The following ZP4 variants were observed in gnomAD, a reference collection of about 807,000 sequenced individuals.
The protein encoded by ZP4 is zona pellucida glycoprotein 4.
Under a neutral mutation model 62.3 loss-of-function variants are expected in ZP4, and 62 were observed. The ratio of observed to expected loss-of-function variants is 0.99; its 90% CI spans 0.81 to 1.23. ZP4 has a LOEUF of 1.23. ZP4 is among the 50% of genes most tolerant of loss of function. The pLI, the probability that ZP4 is intolerant of heterozygous loss-of-function variation, is 0.00. For missense variants in ZP4, 774 were observed against 656.0 expected (o/e 1.18, Z -1.97); for synonymous variants, 289 against 247.3 (o/e 1.17, Z -1.58).
chr1:237,885,836 T>C lies in ZP4; in HGVS notation c.890A>G (p.Asn297Ser), dbSNP rs1426453038. ...TGGTGGGAGAGTGAAAACCTGGACA[T>C]TGATTGGGAGAGAGTTGCTACTTAC... Reference protein sequence around the residue: ...YSVSSNSLPINVQVFTLPPPF... With the variant: ...YSVSSNSLPISVQVFTLPPPF... Residue 297 changes from asparagine to serine, a missense_variant, in exon 7 of 12, where the codon AAT (asparagine) becomes AGT (serine). Physicochemically the swap from Asn to Ser is conservative, Grantham distance 46 (BLOSUM62 1). Transcript: ENST00000366570. 1 of 1,614,070 alleles carries C rather than the reference T, an allele frequency of 6.2e-7. No homozygotes were observed. Among genetic ancestry groups the C allele is most frequent in the Non-Finnish European group, 8.5e-7 (1 of 1,180,000 alleles).
chr1:237,882,792 T>C lies in ZP4; in HGVS notation c.1445A>G (p.Lys482Arg). 1 of 1,614,186 alleles carries C rather than the reference T, an allele frequency of 6.2e-7. No individual in the cohort carries two copies. The highest frequency in any genetic ancestry group is 8.5e-7 in the Non-Finnish European group (1 of 1,180,026). Residue 482 changes from lysine (K) to arginine (R), a missense_variant, in exon 11 of 12, where the codon AAA becomes AGA. Coordinates refer to ENST00000366570, the MANE Select transcript of ZP4 (RefSeq NM_021186.5). ...SQNTTASVSS[K>R]GPMILLQATK... ...GGCTTGGAGTAGAATCATGGGGCCTTTGCTAGAAACACTAGCAGTAGTGTT... is the reference window on the plus strand; with the variant it reads ...GGCTTGGAGTAGAATCATGGGGCCTCTGCTAGAAACACTAGCAGTAGTGTT...
intron 3 of ZP4, 49 bp from the exon 4 acceptor site, chr1:237,888,559 C>T (rs1665164191): frequency 1.3e-6 from 2 of 1,531,420 alleles, no homozygotes; most frequent in Non-Finnish European, 1.8e-6. Flanking sequence ...AAAAGTTAGT[C>T]TTGAATACCA....
At position 237,886,842 on chromosome 1, in the gene ZP4, T is replaced by G; in HGVS notation, c.768A>C (p.Glu256Asp). 1 of 1,614,078 alleles carries G rather than the reference T, an allele frequency of 6.2e-7. No homozygotes were observed. ...CATCCCTAGTTGCCACCAGTTCATT[T>G]TCATATACTGCTCGGTCTCCAGTGA... ...RQITGDRAVY[E>D]NELVATRDVK... The change falls in exon 6 of 12, where the codon GAA (glutamate) becomes GAC (aspartate). Residue 256 changes from glutamate to aspartate, a missense_variant. Glu to Asp is a conservative substitution (Grantham distance 45). Transcript: ENST00000366570.
In ZP4 at chr1:237,885,322, C is replaced by T; in HGVS notation, c.1161-7G>A. ...GTCTCCAATGTAGGGGCAGCTAGAC[C>T]AAGAGACCCAGCAGTCAGGATGGGC... On this transcript the variant is annotated splice_polypyrimidine_tract_variant and splice_region_variant and intron_variant, in intron 8 of 11. Transcript: ENST00000366570. The T allele has an allele frequency of 1.5e-5, 24 of 1,613,486 alleles. No homozygotes were observed. Among genetic ancestry groups the T allele is most frequent in the Non-Finnish European group, 1.9e-5 (23 of 1,179,696 alleles).
At chr1:237,883,967 A>ACACACAC (rs1665009572) in intron 10 of ZP4, among the ~76,000 whole-genome samples, 3 of 86,524 alleles carry the variant, frequency 3.5e-5, no homozygotes, top group African/African-American at 5.7e-5. Flanking sequence ...CACACACACA[A>ACACACAC]ACACACACAC....
At chr1:237,883,981 CAA>C (rs767026148) in intron 10 of ZP4, among the ~76,000 whole-genome samples, 27,524 of 76,488 alleles carry the variant, frequency 0.36, 4,433 homozygotes, top group South Asian at 0.45. Context: ...CACACACACA[CAA>C]ACACACACAC....
Position 237,886,786 on chromosome 1 carries a change from C to T in ZP4, c.824G>A (p.Arg275His), listed in dbSNP as rs749678149. The change falls in exon 6 of 12, where the codon CGT (arginine) becomes CAT (histidine). Residue 275 changes from arginine (R) to histidine (H), a missense_variant. Transcript: ENST00000366570. ...VKNGSRGSVTRDSIFRLHVSC... is the reference protein window; with the variant it reads ...VKNGSRGSVTHDSIFRLHVSC... ...AAGCCCTTACCTGAAGATGCTGTCA[C>T]GAGTGACAGAGCCACGGCTCCCATT... 50 of 1,613,784 alleles carry T rather than the reference C, an allele frequency of 3.1e-5. No individual in the cohort carries two copies. The highest frequency in any genetic ancestry group is 2.8e-4 in the Admixed American group (17 of 59,988).
chr1:237,888,319 C>A, intron 4 of ZP4, 39 bp downstream of exon 4: 1 of 1,497,732 alleles, frequency 6.7e-7, no homozygotes, highest in Non-Finnish European at 9.0e-7. Context: ...AATTGCCACA[C>A]TTCCTCAGCT....
rs959460547 is a variant in ZP4, at chr1:237,886,877, A to G, written c.742-9T>C. On this transcript the variant is annotated splice_polypyrimidine_tract_variant and intron_variant, in intron 5 of 11. Coordinates refer to ENST00000366570, the MANE Select transcript of ZP4 (RefSeq NM_021186.5). ...GCTCGGTCTCCAGTGATCTACAGGAATAGATGGAGAAGTCTTGATCATTTC... is the reference window on the plus strand; with the variant it reads ...GCTCGGTCTCCAGTGATCTACAGGAGTAGATGGAGAAGTCTTGATCATTTC... The G allele has an allele frequency of 1.9e-6, 3 of 1,610,086 alleles. No homozygotes were observed. The highest frequency in any genetic ancestry group is 2.5e-6 in the Non-Finnish European group (3 of 1,176,664).
chr1:237,887,340 C>T (rs758619628), intron 5 of ZP4, 34 bp downstream of exon 5: 5 of 1,605,040 alleles, frequency 3.1e-6, no homozygotes, highest in Non-Finnish European at 4.3e-6. Flanking sequence ...TCCCACCCAA[C>T]TTCCAGAGCC....
In ZP4 at chr1:237,886,881, A is replaced by G. The variant is rs574325134; in HGVS notation, c.742-13T>C. 1 of 1,607,102 alleles carries G rather than the reference A, an allele frequency of 6.2e-7. No homozygotes were observed. Among genetic ancestry groups the G allele is most frequent in the South Asian group, 1.1e-5 (1 of 90,876 alleles). ...GGTCTCCAGTGATCTACAGGAATAGATGGAGAAGTCTTGATCATTTCTGTT... is the reference window on the plus strand; with the variant it reads ...GGTCTCCAGTGATCTACAGGAATAGGTGGAGAAGTCTTGATCATTTCTGTT... On this transcript the variant is annotated splice_polypyrimidine_tract_variant and intron_variant, in intron 5 of 11. Coordinates refer to ENST00000366570, the MANE Select transcript of ZP4 (RefSeq NM_021186.5).
intron 3 of ZP4, 98 bp downstream of exon 3, chr1:237,889,763 TAGTGTC>T: frequency 1.0e-6 from 1 of 969,730 alleles, no homozygotes; most frequent in Non-Finnish European, 1.6e-6. Flanking sequence ...CTTCCTTCAT[TAGTGTC>T]AGGTGTCACT....
At chr1:237,883,704 C>A (rs1430198261) in intron 10 of ZP4, among the ~76,000 whole-genome samples, 1,332 of 7,364 alleles carry the variant, frequency 0.18, 403 homozygotes, top group African/African-American at 0.47. Context: ...CGGGGGAGGG[C>A]GGGGGAGGGC....
intron 2 of ZP4, 41 bp downstream of exon 2, chr1:237,890,014 G>A: frequency 6.2e-7 from 1 of 1,614,146 alleles, no homozygotes. Flanking sequence ...GGTAGCATGA[G>A]GCGCTTCACA....
At chr1:237,890,256 C>A in intron 1 of ZP4, 80 bp from the exon 2 acceptor site, 1 of 1,598,792 alleles carries the variant, frequency 6.3e-7, no homozygotes. Context: ...TGCCATTAGA[C>A]CCCAAGGAGC....
rs377492296 is a variant in ZP4 at position 237,885,848 on chromosome 1, G to C, written c.878C>G (p.Ser293Cys). 1.1e-5 allele frequency: 18 copies of C among 1,614,168 alleles called. No homozygotes were observed. The highest frequency in any genetic ancestry group is 1.5e-5 in the Non-Finnish European group (18 of 1,180,028). Reference sequence around the variant, plus strand: ...GAAAACCTGGACATTGATTGGGAGAGAGTTGCTACTTACTGAGTAGCTGCA... The same window carrying C: ...GAAAACCTGGACATTGATTGGGAGACAGTTGCTACTTACTGAGTAGCTGCA... ...VSCSYSVSSN[S>C]LPINVQVFTL... Residue 293 changes from serine (S) to cysteine (C), a missense_variant, in exon 7 of 12, where the codon TCT (serine) becomes TGT (cysteine). Ser to Cys is a moderately radical substitution (Grantham distance 112). Coordinates refer to ENST00000366570, the MANE Select transcript of ZP4 (RefSeq NM_021186.5).
rs1359726855 is a variant in ZP4 at position 237,888,368 on chromosome 1, A to G, written c.543T>C (p.Tyr181=). 1.3e-6 allele frequency: 2 copies of G among 1,582,738 alleles called. No individual in the cohort carries two copies. The highest frequency in any genetic ancestry group is 1.7e-6 in the Non-Finnish European group (2 of 1,157,400). Residue 181 remains tyrosine (Y), a synonymous_variant, in exon 4 of 12, where the codon TAT becomes TAC. Transcript: ENST00000366570. The part of the protein sequence containing the change: ...YSSEEVNSCY[Y]GNTVTLHCTR... ...TGCTCACTTACTCACCAGTGTTTCC[A>G]TAGTAGCAGGAATTCACCTCTTCAG...
chr1:237,885,645 C>T, intron 7 of ZP4, 65 bp from the exon 8 acceptor site: 1 of 1,595,280 alleles, frequency 6.3e-7, no homozygotes. Flanking sequence ...ACTGTCACCC[C>T]TTTAAATAGC....
intron 10 of ZP4, among the ~76,000 whole-genome samples, chr1:237,884,483 G>A (rs1665047300): frequency 6.6e-6 from 1 of 152,176 alleles, no homozygotes; most frequent in African/African-American, 2.4e-5. Context: ...GGTGTATCTT[G>A]TTAAAATGAG....
Sources: allele counts gnomAD v4.1 joint callset (sites outside exome capture counted in the v4.1 genomes callset), GRCh38; gene constraint gnomAD v4.1.1; transcripts MANE v1.5; gene names NCBI Gene and HGNC (gene_info 2026-07-23, HGNC 2026-07-21).